Variants in EPHA3 observed in about 807,000 individuals in gnomAD.
EPHA3 encodes the protein ephrin type-A receptor 3.
A neutral mutation model predicts 107.1 loss-of-function variants in EPHA3; 42 were observed. The ratio of observed to expected loss-of-function variants is 0.39; its 90% CI spans 0.31 to 0.51. EPHA3 has a LOEUF of 0.51. EPHA3 is among the 20% of genes least tolerant of loss of function. The pLI is 0.78. For synonymous variants in EPHA3, 461 were observed against 424.8 expected (o/e 1.09, Z -1.05); for missense variants, 1,183 against 1,211.2 (o/e 0.98, Z 0.35).
At chr3:89,472,750 G>T (rs73139115) in intron 16 of EPHA3, 131 bp downstream of exon 16, 231,497 of 1,012,428 alleles carry the variant, frequency 0.23, 29,143 homozygotes, top group Non-Finnish European at 0.26. Context: ...ACTGACTACC[G>T]CCTGGAACTG....
chr3:89,453,573 A>G (rs1576386779), intron 15 of EPHA3, among the ~76,000 whole-genome samples: 1 of 152,118 alleles, frequency 6.6e-6, no homozygotes. Flanking sequence ...TTATATTTAT[A>G]TTTTTACTTA....
chr3:89,439,608 T>C (rs1235271701), intron 13 of EPHA3, among the ~76,000 whole-genome samples: 3 of 152,042 alleles, frequency 2.0e-5, no homozygotes, highest in Non-Finnish European at 1.5e-5. Flanking sequence ...AATGAATCAC[T>C]ATAACTTTTA....
intron 2 of EPHA3, among the ~76,000 whole-genome samples, chr3:89,201,040 T>C (rs941137793): frequency 2.0e-5 from 3 of 152,198 alleles, no homozygotes; most frequent in Non-Finnish European, 4.4e-5. Flanking sequence ...GACTGGGTGA[T>C]TTAAAAAGAA....
chr3:89,195,388 A>ACC (rs1373713438), intron 2 of EPHA3, among the ~76,000 whole-genome samples: 2 of 151,874 alleles, frequency 1.3e-5, no homozygotes, highest in Non-Finnish European at 2.9e-5. Flanking sequence ...AAGTTATTGA[A>ACC]CCCCCTCCTA....
chr3:89,402,608 A>AT (rs539448563), intron 7 of EPHA3, among the ~76,000 whole-genome samples: 598 of 152,060 alleles, frequency 3.9e-3, no homozygotes, highest in African/African-American at 7.6e-3. Context: ...TTATATATTG[A>AT]TTTTTTTAAA....
intron 13 of EPHA3, among the ~76,000 whole-genome samples, chr3:89,435,843 C>T (rs1466139069): frequency 1.3e-5 from 2 of 150,518 alleles, no homozygotes; most frequent in Non-Finnish European, 3.0e-5. Flanking sequence ...ATCCCAGCTA[C>T]TTGGGAGGCT....
intron 2 of EPHA3, among the ~76,000 whole-genome samples, chr3:89,150,978 A>G (rs905597022): frequency 1.1e-4 from 16 of 152,042 alleles, no homozygotes; most frequent in African/African-American, 3.9e-4. Flanking sequence ...ACCTGTCTAT[A>G]AAAAAGAAGA....
At chr3:89,473,020 C>T (rs1710438105) in intron 16 of EPHA3, among the ~76,000 whole-genome samples, 1 of 152,100 alleles carries the variant, frequency 6.6e-6, no homozygotes, top group Non-Finnish European at 1.5e-5. Flanking sequence ...ATCTGTGAAT[C>T]AGGAAAATTG....
chr3:89,253,210 C>CT (rs1303115780), intron 3 of EPHA3, among the ~76,000 whole-genome samples: 1 of 151,860 alleles, frequency 6.6e-6, no homozygotes, highest in East Asian at 1.9e-4. Context: ...TATTTTATAC[C>CT]TTTTTTCTTT....
chr3:89,124,157 C>A (rs1351106326), intron 1 of EPHA3, among the ~76,000 whole-genome samples: 2 of 152,088 alleles, frequency 1.3e-5, no homozygotes, highest in African/African-American at 4.8e-5. Flanking sequence ...TCCTGTCTGT[C>A]CTAGAGTTTG....
At chr3:89,385,075 A>T (rs562940005) in intron 5 of EPHA3, among the ~76,000 whole-genome samples, 30 of 152,324 alleles carry the variant, frequency 2.0e-4, no homozygotes, top group African/African-American at 7.0e-4. Flanking sequence ...ATACATACAT[A>T]TCTCCTCTAA....
chr3:89,188,122 A>T (rs1705617057), intron 2 of EPHA3, among the ~76,000 whole-genome samples: 1 of 152,216 alleles, frequency 6.6e-6, no homozygotes, highest in South Asian at 2.1e-4. Context: ...GATTTTCATG[A>T]TGACAATAAA....
At chr3:89,343,778 C>T (rs1707584775) in intron 5 of EPHA3, among the ~76,000 whole-genome samples, 2 of 152,126 alleles carry the variant, frequency 1.3e-5, no homozygotes, top group Admixed American at 6.6e-5. Flanking sequence ...TGCACTGAAT[C>T]ATTACTTTAA....
At chr3:89,117,710 A>T (rs1707289202) in intron 1 of EPHA3, among the ~76,000 whole-genome samples, 2 of 151,438 alleles carry the variant, frequency 1.3e-5, no homozygotes, top group South Asian at 2.1e-4. Flanking sequence ...TTATGGCATA[A>T]TTTTTTTTTG....
chr3:89,376,274 A>G (rs1357545645), intron 5 of EPHA3, among the ~76,000 whole-genome samples: 1 of 151,880 alleles, frequency 6.6e-6, no homozygotes, highest in African/African-American at 2.4e-5. Context: ...CGGGAATTAA[A>G]TAAAAGAATA....
At position 89,107,736 on chromosome 3, in the gene EPHA3, C is replaced by G. The variant is rs1559733997; in HGVS notation, c.-13C>G. ...GGAGATATGCTCCTCTCACTGCCCT[C>G]TGCACCAGCAACATGGATTGTCAGC... On this transcript the variant is annotated 5_prime_UTR_variant, in exon 1 of 17. Transcript: ENST00000336596. 6.2e-7 allele frequency: 1 copy of G among 1,613,122 alleles called. No individual in the cohort carries two copies. The highest frequency in any genetic ancestry group is 8.5e-7 in the Non-Finnish European group (1 of 1,179,196).
chr3:89,354,453 T>C (rs1707901329), intron 5 of EPHA3, among the ~76,000 whole-genome samples: 1 of 150,954 alleles, frequency 6.6e-6, no homozygotes, highest in African/African-American at 2.4e-5. Context: ...CCTATCAATA[T>C]AGTACCAGTG....
At chr3:89,185,393 A>C (rs560748417) in intron 2 of EPHA3, among the ~76,000 whole-genome samples, 3 of 152,082 alleles carry the variant, frequency 2.0e-5, no homozygotes, top group Non-Finnish European at 4.4e-5. Flanking sequence ...CTACTTATGT[A>C]GAAAGGAAAT....
chr3:89,363,808 A>G (rs1271332029), intron 5 of EPHA3, among the ~76,000 whole-genome samples: 1 of 150,746 alleles, frequency 6.6e-6, no homozygotes, highest in East Asian at 1.9e-4. Context: ...AATTTCACCC[A>G]CTGACCATAT....
Sources: gnomAD v4.1 joint callset for allele counts (sites outside exome capture counted in the v4.1 genomes callset) on GRCh38, gnomAD v4.1.1 for gene constraint, MANE v1.5 for transcripts, NCBI Gene and HGNC (gene_info 2026-07-23, HGNC 2026-07-21) for gene names.